The following HS3ST4 variants were observed in gnomAD, a reference collection of about 807,000 sequenced individuals.
The protein encoded by HS3ST4 is heparan sulfate-glucosamine 3-sulfotransferase 4, also known as heparan sulfate glucosamine 3-O-sulfotransferase 4.
In HS3ST4, 17 loss-of-function variants were observed where a neutral mutation model predicts 29.2. That is an observed-to-expected ratio of 0.58 (90% confidence interval 0.40 to 0.87). The LOEUF (loss-of-function observed/expected upper bound fraction) is 0.87, where lower values mean the gene tolerates loss of function less well. HS3ST4 is among the 40% of genes least tolerant of loss of function. The pLI, the probability that HS3ST4 is intolerant of heterozygous loss-of-function variation, is 0.00. For synonymous variants in HS3ST4, 314 were observed against 285.7 expected, an observed-to-expected ratio of 1.10 and a Z score of -1.00; for missense variants, 627 against 634.5, an observed-to-expected ratio of 0.99 and a Z score of 0.13.
intron 1 of HS3ST4, among the ~76,000 whole-genome samples, chr16:25,977,586 C>G (rs1395618237): frequency 2.0e-5 from 3 of 152,312 alleles, no homozygotes; most frequent in Non-Finnish European, 4.4e-5. Flanking sequence ...CCCATAGAAT[C>G]ACATCCAAGT....
At chr16:26,039,674 G>T (rs73514513) in intron 1 of HS3ST4, among the ~76,000 whole-genome samples, 1,829 of 151,940 alleles carry the variant, frequency 0.012, 37 homozygotes, top group African/African-American at 0.04. Flanking sequence ...CTATAAAATA[G>T]TAGGTCTTAT....
chr16:26,050,959 A>G (rs1898334553), intron 1 of HS3ST4, among the ~76,000 whole-genome samples: 2 of 152,146 alleles, frequency 1.3e-5, no homozygotes, highest in Non-Finnish European at 2.9e-5. Flanking sequence ...CACTGTCTGC[A>G]TCCTGGAGCT....
intron 1 of HS3ST4, among the ~76,000 whole-genome samples, chr16:25,722,139 T>C (rs747060041): frequency 1.6e-4 from 24 of 152,364 alleles, no homozygotes; most frequent in Non-Finnish European, 2.9e-4. Flanking sequence ...GGGAGTGGGT[T>C]GACATACTTA....
Position 25,939,861 on chromosome 16 carries a change from C to CA in HS3ST4, c.735-195748dup, listed in dbSNP as rs746185248. Among the ~76,000 whole-genome samples the CA allele has an allele frequency of 5.3e-5, 8 of 152,146 alleles. No individual in the cohort carries two copies. In the East Asian group the frequency reaches 9.6e-4, roughly 18 times the overall value. ...ATGAAGGGAGCTATGGCCCCAAATG[C>CA]AAATATTTAACGTGACTTTTCAGCT... On this transcript the variant is annotated intron_variant, in intron 1 of 1. Coordinates refer to ENST00000331351, the MANE Select transcript of HS3ST4 (RefSeq NM_006040.3).
At chr16:25,969,205 G>A (rs543054600) in intron 1 of HS3ST4, among the ~76,000 whole-genome samples, 1 of 152,212 alleles carries the variant, frequency 6.6e-6, no homozygotes, top group African/African-American at 2.4e-5. Flanking sequence ...TCCCTTCTGT[G>A]TGAATGTTTG....
At chr16:26,005,555 T>C (rs1969250333) in intron 1 of HS3ST4, among the ~76,000 whole-genome samples, 1 of 152,100 alleles carries the variant, frequency 6.6e-6, no homozygotes, top group African/African-American at 2.4e-5. Flanking sequence ...CTGTTTCTTA[T>C]ACACTTGAAC....
intron 1 of HS3ST4, among the ~76,000 whole-genome samples, chr16:26,005,866 G>C (rs11863326): frequency 6.6e-6 from 1 of 152,208 alleles, no homozygotes; most frequent in Non-Finnish European, 1.5e-5. Flanking sequence ...CCTGTCCATC[G>C]TAGGATATTT....
chr16:25,939,568 A>G (rs1209292151), intron 1 of HS3ST4, among the ~76,000 whole-genome samples: 1 of 151,990 alleles, frequency 6.6e-6, no homozygotes, highest in Non-Finnish European at 1.5e-5. Context: ...GGAACTCCCA[A>G]CCTCAGATGA....
intron 1 of HS3ST4, among the ~76,000 whole-genome samples, chr16:25,855,541 G>A (rs1967566658): frequency 6.6e-6 from 1 of 152,150 alleles, no homozygotes; most frequent in South Asian, 2.1e-4. Context: ...GAGTCAGATT[G>A]GAATTTGGTA....
intron 1 of HS3ST4, among the ~76,000 whole-genome samples, chr16:25,956,813 A>G (rs1968737977): frequency 1.3e-5 from 2 of 152,044 alleles, no homozygotes; most frequent in Non-Finnish European, 2.9e-5. Context: ...CCTGGCTAAC[A>G]CGATGAAACC....
At chr16:25,749,282 C>G (rs1185638542) in intron 1 of HS3ST4, among the ~76,000 whole-genome samples, 2 of 152,004 alleles carry the variant, frequency 1.3e-5, no homozygotes, top group Non-Finnish European at 2.9e-5. Flanking sequence ...TTGCTTGAGC[C>G]CAGGAGTTCA....
At chr16:25,787,714 CAG>C (rs1031300793) in intron 1 of HS3ST4, among the ~76,000 whole-genome samples, 1 of 152,158 alleles carries the variant, frequency 6.6e-6, no homozygotes, top group African/African-American at 2.4e-5. Context: ...CGCTTGAGCT[CAG>C]GGGCTCCTTG....
At chr16:25,981,024 T>C (rs8054857) in intron 1 of HS3ST4, among the ~76,000 whole-genome samples, 137,220 of 152,082 alleles carry the variant, frequency 0.9, 62,076 homozygotes, top group Admixed American at 0.94. Context: ...ATGATTAGGA[T>C]AGAGGAATAG....
intron 1 of HS3ST4, among the ~76,000 whole-genome samples, chr16:26,076,029 T>C (rs1327542547): frequency 6.6e-6 from 1 of 152,306 alleles, no homozygotes; most frequent in East Asian, 1.9e-4. Context: ...CTCTTCAACC[T>C]TCACCACTAG....
At chr16:26,049,692 G>A (rs976245887) in intron 1 of HS3ST4, among the ~76,000 whole-genome samples, 3 of 152,064 alleles carry the variant, frequency 2.0e-5, no homozygotes, top group South Asian at 2.1e-4. Flanking sequence ...TGGAGATAGC[G>A]TCAGATTCCA....
chr16:25,951,099 G>C (rs1285218044), intron 1 of HS3ST4, among the ~76,000 whole-genome samples: 1 of 152,164 alleles, frequency 6.6e-6, no homozygotes, highest in Non-Finnish European at 1.5e-5. Flanking sequence ...ACCTCCACCT[G>C]CTGCTAGGTC....
intron 1 of HS3ST4, among the ~76,000 whole-genome samples, chr16:26,054,759 G>C (rs1898387235): frequency 6.6e-6 from 1 of 152,082 alleles, no homozygotes; most frequent in African/African-American, 2.4e-5. Flanking sequence ...TCATAGTCAG[G>C]AGCAGGGGGC....
chr16:25,965,137 G>A (rs112073001), intron 1 of HS3ST4, among the ~76,000 whole-genome samples: 4,447 of 152,158 alleles, frequency 0.029, 194 homozygotes, highest in African/African-American at 0.099. Flanking sequence ...AAAGGAGCTC[G>A]GGAGGTGCGG....
chr16:25,734,100 G>A (rs938903588), intron 1 of HS3ST4, among the ~76,000 whole-genome samples: 1 of 152,228 alleles, frequency 6.6e-6, no homozygotes, highest in Non-Finnish European at 1.5e-5. Flanking sequence ...CTGGGTGACA[G>A]AGCGAGACTC....
Sources: gnomAD v4.1 joint callset for allele counts (sites outside exome capture counted in the v4.1 genomes callset) on GRCh38, gnomAD v4.1.1 for gene constraint, MANE v1.5 for transcripts, NCBI Gene and HGNC (gene_info 2026-07-23, HGNC 2026-07-21) for gene names.